HMCN1: variants seen among roughly 807,000 people sequenced by gnomAD.
HMCN1 encodes the protein hemicentin-1.
Under a neutral mutation model 625.9 loss-of-function variants are expected in HMCN1, and 321 were observed. That is an observed-to-expected ratio of 0.51 (90% confidence interval 0.47 to 0.56). The LOEUF (loss-of-function observed/expected upper bound fraction) is 0.56, where lower values mean the gene tolerates loss of function less well. Ranked by LOEUF, HMCN1 falls within the 20% of genes least tolerant of loss-of-function variation. HMCN1 has a pLI of 0.00. For synonymous variants in HMCN1, 2,425 were observed against 2,417.6 expected, an observed-to-expected ratio of 1.00 and a Z score of -0.09; for missense variants, 6,588 against 6,887.3, an observed-to-expected ratio of 0.96 and a Z score of 1.54.
At chr1:186,021,247 A>G (rs1220478713) in intron 35 of HMCN1, among the ~76,000 whole-genome samples, 2 of 152,104 alleles carry the variant, frequency 1.3e-5, no homozygotes, top group South Asian at 2.1e-4. Flanking sequence ...TAGGATTCCA[A>G]CGTACACAAC....
At chr1:185,759,555 G>A (rs1655352600) in intron 1 of HMCN1, among the ~76,000 whole-genome samples, 1 of 152,150 alleles carries the variant, frequency 6.6e-6, no homozygotes, top group Non-Finnish European at 1.5e-5. Flanking sequence ...AACAAAATTG[G>A]AAAGCTATGT....
intron 5 of HMCN1, among the ~76,000 whole-genome samples, chr1:185,910,591 C>T (rs1303288024): frequency 8.0e-5 from 11 of 137,064 alleles, no homozygotes; most frequent in Non-Finnish European, 1.7e-4. Context: ...TTTTTTTTGA[C>T]ATGGAGTCTT....
intron 11 of HMCN1, among the ~76,000 whole-genome samples, chr1:185,947,761 C>T (rs1668419612): frequency 6.6e-6 from 1 of 152,120 alleles, no homozygotes; most frequent in Admixed American, 6.5e-5. Context: ...TCTTTAGAGC[C>T]ATGTGAAAAG....
At chr1:185,957,683 T>G (rs1425703077) in intron 11 of HMCN1, among the ~76,000 whole-genome samples, 1 of 152,192 alleles carries the variant, frequency 6.6e-6, no homozygotes, top group Non-Finnish European at 1.5e-5. Context: ...CCTTTTCTCC[T>G]TGATGTTTTT....
intron 4 of HMCN1, among the ~76,000 whole-genome samples, chr1:185,902,676 T>G (rs1357685636): frequency 2.6e-5 from 4 of 151,626 alleles, no homozygotes; most frequent in African/African-American, 9.7e-5. Flanking sequence ...TCAATAATGC[T>G]TACGTGCCTC....
At chr1:185,743,481 A>G (rs1654126039) in intron 1 of HMCN1, among the ~76,000 whole-genome samples, 1 of 152,218 alleles carries the variant, frequency 6.6e-6, no homozygotes, top group Non-Finnish European at 1.5e-5. Flanking sequence ...ATTTAAATGC[A>G]GTCTGGAATG....
intron 66 of HMCN1, 107 bp from the exon 67 acceptor site, chr1:186,094,169 T>C: frequency 2.2e-6 from 2 of 890,636 alleles, no homozygotes; most frequent in African/African-American, 3.3e-5. Flanking sequence ...TAATTAAAAT[T>C]TCCCAACATA....
At chr1:186,189,458 GCCT>G in intron 106 of HMCN1, 51 bp from the exon 107 acceptor site, 1 of 1,599,380 alleles carries the variant, frequency 6.3e-7, no homozygotes, top group South Asian at 1.1e-5. Flanking sequence ...CCTATATCAT[GCCT>G]CCTCCTACTT....
chr1:185,749,447 C>T (rs555664735), intron 1 of HMCN1, among the ~76,000 whole-genome samples: 1 of 152,260 alleles, frequency 6.6e-6, no homozygotes, highest in South Asian at 2.1e-4. Context: ...CTACTGCCTG[C>T]TTAAATCTTC....
intron 97 of HMCN1, 83 bp from the exon 98 acceptor site, chr1:186,165,028 T>C: frequency 8.4e-7 from 1 of 1,191,140 alleles, no homozygotes; most frequent in East Asian, 2.3e-5. Context: ...TTGGCATATC[T>C]TCCCAGGGAA....
At chr1:185,776,212 A>G (rs1321347294) in intron 1 of HMCN1, among the ~76,000 whole-genome samples, 1 of 152,100 alleles carries the variant, frequency 6.6e-6, no homozygotes, top group Non-Finnish European at 1.5e-5. Context: ...CAGTTTTCTT[A>G]GAGATTTTTA....
Position 186,062,026 on chromosome 1 carries a change from G to C in HMCN1, c.7426+62G>C, listed in dbSNP as rs1306814455. 3.8e-6 allele frequency: 4 copies of C among 1,055,202 alleles called. No individual in the cohort carries two copies. In the East Asian group the frequency reaches 7.2e-5, roughly 19 times the overall value. The allele number at this position is 1,055,202 out of a possible 1,614,324, so 65.4% of individuals were successfully genotyped here. On this transcript the variant is annotated intron_variant, in intron 47 of 106. Transcript: ENST00000271588. Reference sequence around the variant, plus strand: ...AATTGCCTTAAATCCTGGAAGCAGAGTTAAAATTTATTTACCACTTGATCT... The same window carrying C: ...AATTGCCTTAAATCCTGGAAGCAGACTTAAAATTTATTTACCACTTGATCT...
At chr1:185,807,958 G>A (rs1034870928) in intron 1 of HMCN1, among the ~76,000 whole-genome samples, 2 of 152,258 alleles carry the variant, frequency 1.3e-5, no homozygotes, top group South Asian at 4.1e-4. Flanking sequence ...TGAAGGTAGA[G>A]AGACAGTTCT....
At position 186,087,537 on chromosome 1, in the gene HMCN1, T is replaced by A; in HGVS notation, c.9255T>A (p.Ala3085=). The A allele has an allele frequency of 1.9e-6, 3 of 1,613,320 alleles. No individual in the cohort carries two copies. Among genetic ancestry groups the A allele is most frequent in the Non-Finnish European group, 2.5e-6 (3 of 1,179,478 alleles). The change falls in exon 60 of 107, where the codon GCT becomes GCA. Residue 3085 remains alanine (A), a synonymous_variant. Coordinates refer to ENST00000271588, the MANE Select transcript of HMCN1 (RefSeq NM_031935.3). Reference sequence around the variant, plus strand: ...TGTCTTTGGAGTGTGAGTCGAACGCTGTGCCACCTCCAGTCATCACTTGGT... The same window carrying A: ...TGTCTTTGGAGTGTGAGTCGAACGCAGTGCCACCTCCAGTCATCACTTGGT... The part of the protein sequence containing the change: ...TSVSLECESN[A]VPPPVITWYK...
intron 9 of HMCN1, among the ~76,000 whole-genome samples, chr1:185,925,675 G>T (rs1214272018): frequency 2.6e-5 from 4 of 152,172 alleles, no homozygotes; most frequent in African/African-American, 9.7e-5. Flanking sequence ...CCGGTAGGTG[G>T]AGTGGATGTA....
chr1:185,846,930 T>A (rs1265313576), intron 2 of HMCN1, among the ~76,000 whole-genome samples: 2 of 152,146 alleles, frequency 1.3e-5, no homozygotes, highest in Non-Finnish European at 2.9e-5. Context: ...AAACATCCCC[T>A]AGATCTTGTT....
At position 186,055,506 on chromosome 1, in the gene HMCN1, T is replaced by C. The variant is rs1372410913; in HGVS notation, c.6976T>C (p.Trp2326Arg). Reference protein sequence around the residue: ...VQGIPPPTVTWMKDGHPLIKA... With the variant: ...VQGIPPPTVTRMKDGHPLIKA... The stretch of plus-strand genomic sequence containing the variant: ...GGGTATTCCACCACCAACAGTGACC[T>C]GGATGAAAGATGGCCACCCCTTGAT... Residue 2326 changes from tryptophan (W) to arginine (R), a missense_variant, in exon 45 of 107, where the codon TGG becomes CGG. Physicochemically the swap from Trp to Arg is moderately radical, Grantham distance 101. Transcript: ENST00000271588. 6.2e-7 allele frequency: 1 copy of C among 1,612,924 alleles called. No homozygotes were observed. The highest frequency in any genetic ancestry group is 8.5e-7 in the Non-Finnish European group (1 of 1,179,322).
chr1:186,146,275 G>T (rs542408655), intron 93 of HMCN1, among the ~76,000 whole-genome samples: 50 of 152,280 alleles, frequency 3.3e-4, no homozygotes, highest in Middle Eastern at 3.4e-3. Context: ...TCTGTGGATG[G>T]GAATTTGAAT....
intron 67 of HMCN1, 75 bp downstream of exon 67, chr1:186,094,448 C>A: frequency 9.7e-7 from 1 of 1,028,506 alleles, no homozygotes; most frequent in Non-Finnish European, 1.5e-6. Flanking sequence ...TAGAAACCGA[C>A]TTCCTCAGAG....
Sources: allele counts gnomAD v4.1 joint callset (sites outside exome capture counted in the v4.1 genomes callset), GRCh38; gene constraint gnomAD v4.1.1; transcripts MANE v1.5; gene names NCBI Gene and HGNC (gene_info 2026-07-23, HGNC 2026-07-21).